TTN: variants seen among roughly 807,000 people sequenced by gnomAD.
TTN encodes the protein connectin.
Under a neutral mutation model 3,223.0 loss-of-function variants are expected in TTN, and 1,525 were observed. That is an observed-to-expected ratio of 0.47 (90% CI 0.45 to 0.49). TTN has a LOEUF of 0.49. Ranked by LOEUF, TTN falls within the 20% of genes least tolerant of loss-of-function variation. TTN has a pLI of 0.00. For synonymous variants in TTN, 14,094 were observed against 15,161.0 expected, an observed-to-expected ratio of 0.93 and a Z score of 5.17; for missense variants, 40,786 against 43,424.0, an observed-to-expected ratio of 0.94 and a Z score of 5.40.
chr2:178,762,096 C>T (rs1033134615), intron 43 of TTN, among the ~76,000 whole-genome samples: 10 of 152,118 alleles, frequency 6.6e-5, no homozygotes, highest in African/African-American at 2.4e-4. Context: ...AACATGGGAG[C>T]TTCTGAAGAC....
At position 178,568,187 on chromosome 2, in the gene TTN, A is replaced by T. The variant is rs760050553; in HGVS notation, c.77945T>A (p.Ile25982Asn). 1 of 1,613,524 alleles carries T rather than the reference A, an allele frequency of 6.2e-7. No individual in the cohort carries two copies. Among genetic ancestry groups the T allele is most frequent in the Middle Eastern group, 1.7e-4 (1 of 6,056 alleles). Residue 25982 changes from isoleucine (I) to asparagine (N), a missense_variant, in exon 326 of 363, where the codon ATT becomes AAT. Transcript: ENST00000589042. ...GQSFALESDPIVAQYPYKEPG... is the reference protein window; with the variant it reads ...GQSFALESDPNVAQYPYKEPG... ...TTCTTTGTAGGGATATTGAGCTACAATTGGATCAGACTCTAAGGCAAAGCT... is the reference window on the plus strand; with the variant it reads ...TTCTTTGTAGGGATATTGAGCTACATTTGGATCAGACTCTAAGGCAAAGCT...
Position 178,775,538 on chromosome 2 carries a change from C to T in TTN, c.6326G>A (p.Cys2109Tyr), listed in dbSNP as rs769946776. 1.1e-5 allele frequency: 17 copies of T among 1,614,014 alleles called. No individual in the cohort carries two copies. The Admixed American group carries it at 2.8e-4, about 27-fold the overall frequency. ...TTTGACACCATTTTTGTACCATTCA[C>T]ATTCGGGGTCTGGTTTCCCCACGAC... Reference protein sequence around the residue: ...VRVVGKPDPECEWYKNGVKIE... With the variant: ...VRVVGKPDPEYEWYKNGVKIE... Residue 2109 changes from cysteine to tyrosine, a missense_variant, in exon 28 of 363, where the codon TGT becomes TAT. By Grantham distance (194) the Cys-to-Tyr change is radical (BLOSUM62 -2). Transcript: ENST00000589042.
At position 178,756,764 on chromosome 2, in the gene TTN, T is replaced by A; in HGVS notation, c.10712A>T (p.Asp3571Val). 2 of 1,613,806 alleles carry A rather than the reference T, an allele frequency of 1.2e-6. No homozygotes were observed. Among genetic ancestry groups the A allele is most frequent in the Non-Finnish European group, 8.5e-7 (1 of 1,179,786 alleles). ...CTGGGACTTGGTGGACTCTCTTACA[T>A]CTTTCCCAGAACTTTGCCTATCTAG... ...QALDRQSSGK[D>V]VRESTKSQAV... The change falls in exon 46 of 363, where the codon GAT (aspartate) becomes GTT (valine). Residue 3571 changes from aspartate (D) to valine (V), a missense_variant. Physicochemically the swap from Asp to Val is radical, Grantham distance 152. Coordinates refer to ENST00000589042, the MANE Select transcript of TTN (RefSeq NM_001267550.2).
intron 220 of TTN, 128 bp from the exon 221 acceptor site, chr2:178,640,758 A>G (rs906291772): frequency 4.2e-6 from 3 of 712,300 alleles, no homozygotes; most frequent in Non-Finnish European, 6.7e-6. Context: ...TTTATCAAGT[A>G]ATTTCTATTT....
rs551263783 is a variant in TTN, at chr2:178,641,179, C to T, written c.40633+62G>A. 7.1e-6 allele frequency: 8 copies of T among 1,131,170 alleles called. No individual in the cohort carries two copies. The East Asian group carries it at 1.6e-4, about 23-fold the overall frequency. 70.1% of individuals were successfully genotyped at this position (1,131,170 alleles called of 1,614,324 possible). Reference sequence around the variant, plus strand: ...ACTTCATTTATGTTTACAAGATAAACCTTTTGTTAAATGTCCATTTTGTTA... The same window carrying T: ...ACTTCATTTATGTTTACAAGATAAATCTTTTGTTAAATGTCCATTTTGTTA... On this transcript the variant is annotated intron_variant, in intron 220 of 362. Transcript: ENST00000589042.
At chr2:178,626,812 T>C (rs987019649) in intron 240 of TTN, among the ~76,000 whole-genome samples, 18 of 151,950 alleles carry the variant, frequency 1.2e-4, no homozygotes, top group Non-Finnish European at 4.4e-5. Flanking sequence ...AAAAGGTGTC[T>C]CAGTTTCTAA....
chr2:178,549,046 C>T lies in TTN; in HGVS notation c.92580G>A (p.Met30860Ile). 17 of 1,613,908 alleles carry T rather than the reference C, an allele frequency of 1.1e-5. No homozygotes were observed. The highest frequency in any genetic ancestry group is 1.4e-5 in the Non-Finnish European group (17 of 1,179,844). ...GMEIIGYIIEMCKADLGDWHK... is the reference protein window; with the variant it reads ...GMEIIGYIIEICKADLGDWHK... Reference sequence around the variant, plus strand: ...GCCAGTCTCCTAAGTCGGCCTTACACATTTCAATAATATACCCAATTATTT... The same window carrying T: ...GCCAGTCTCCTAAGTCGGCCTTACATATTTCAATAATATACCCAATTATTT... Residue 30860 changes from methionine to isoleucine, a missense_variant, in exon 339 of 363, where the codon ATG becomes ATA. By Grantham distance (10) the Met-to-Ile change is conservative. Coordinates refer to ENST00000589042, the MANE Select transcript of TTN (RefSeq NM_001267550.2).
rs562658562 is a variant in TTN at position 178,750,591 on chromosome 2, T to G, written c.11311+2533A>C. The G allele has an allele frequency of 1.6e-4, 261 of 1,612,556 alleles. 3 individuals are homozygous for G. In the Middle Eastern group the frequency reaches 2.3e-3, roughly 14 times the overall value. ...GAAGGTGGGCAACGTTGTGGGCGTT[T>G]TCGAAAAGAATTTTCAAAAAATCTC... On this transcript the variant is annotated intron_variant, in intron 47 of 362. Transcript: ENST00000589042.
chr2:178,618,773 C>T lies in TTN; in HGVS notation c.46777G>A (p.Ala15593Thr), dbSNP rs1253393520. 1 of 1,611,544 alleles carries T rather than the reference C, an allele frequency of 6.2e-7. No homozygotes were observed. Among genetic ancestry groups the T allele is most frequent in the South Asian group, 1.1e-5 (1 of 90,994 alleles). Reference sequence around the variant, plus strand: ...CATTCAGCTTCTGCTTTGGGGTAGGCATCATATGGCACCACCATTGTCAGA... The same window carrying T: ...CATTCAGCTTCTGCTTTGGGGTAGGTATCATATGGCACCACCATTGTCAGA... ...KPLTMVVPYD[A>T]YPKAEAEWFK... Residue 15593 changes from alanine to threonine, a missense_variant, in exon 251 of 363, where the codon GCC (alanine) becomes ACC (threonine). By Grantham distance (58) the Ala-to-Thr change is moderately conservative. Transcript: ENST00000589042.
At chr2:178,641,665 T>C (rs2061251716) in intron 219 of TTN, among the ~76,000 whole-genome samples, 1 of 151,864 alleles carries the variant, frequency 6.6e-6, no homozygotes, top group African/African-American at 2.4e-5. Context: ...TGTAAATAAG[T>C]AGAAAGTTTA....
At chr2:178,695,475 T>C (rs1476757814) in intron 114 of TTN, 65 bp from the exon 115 acceptor site, 2 of 1,247,148 alleles carry the variant, frequency 1.6e-6, no homozygotes, top group East Asian at 2.3e-5. Context: ...GGTTGTTAAT[T>C]GCAAATGAGA....
At position 178,741,033 on chromosome 2, in the gene TTN, G is replaced by A. The variant is rs937825473; in HGVS notation, c.12200C>T (p.Ser4067Leu). Reference protein sequence around the residue: ...LKGPAVEALDSEQEIATFVKD... With the variant: ...LKGPAVEALDLEQEIATFVKD... ...TACAAACGTTGCAATTTCCTGCTCT[G>A]AGTCAAGTGCTTCAACTGCGGGACC... is the stretch of plus-strand genomic sequence containing the variant. The change falls in exon 48 of 363, where the codon TCA becomes TTA. Residue 4067 changes from serine to leucine, a missense_variant. Transcript: ENST00000589042. 4 of 1,613,778 alleles carry A rather than the reference G, an allele frequency of 2.5e-6. No individual in the cohort carries two copies. Among genetic ancestry groups the A allele is most frequent in the Non-Finnish European group, 2.5e-6 (3 of 1,179,844 alleles).
At position 178,704,638 on chromosome 2, in the gene TTN, T is replaced by C. The variant is rs763249086; in HGVS notation, c.29834A>G (p.Asp9945Gly). ...YKGTEKLEPSDKFEISIDGDR... is the reference protein window; with the variant it reads ...YKGTEKLEPSGKFEISIDGDR... ...ACCATCAATGCTTATTTCAAATTTA[T>C]CACTGGGTTCCAGTTTTTCAGTTCC... The change falls in exon 105 of 363, where the codon GAT becomes GGT. Residue 9945 changes from aspartate (D) to glycine (G), a missense_variant. Transcript: ENST00000589042. 1.9e-6 allele frequency: 3 copies of C among 1,612,496 alleles called. No individual in the cohort carries two copies. The highest frequency in any genetic ancestry group is 1.1e-5 in the South Asian group (1 of 90,872).
chr2:178,633,111 A>C (rs186249001), intron 233 of TTN, 67 bp from the exon 234 acceptor site: 211 of 1,599,306 alleles, frequency 1.3e-4, no homozygotes, highest in Non-Finnish European at 1.3e-4. Flanking sequence ...ACAAATCATC[A>C]AGATATTTTA....
rs376437071 is a variant in TTN at position 178,777,994 on chromosome 2, C to T, written c.4209-19G>A. On this transcript the variant is annotated intron_variant, in intron 24 of 362. Transcript: ENST00000589042. ...GAGAGATCTGCAAAACAAAGACACA[C>T]AATACTTTCGTGAGGCATAAAGAAA... The T allele has an allele frequency of 3.1e-6, 5 of 1,611,448 alleles. No homozygotes were observed. The highest frequency in any genetic ancestry group is 4.2e-6 in the Non-Finnish European group (5 of 1,178,996).
chr2:178,755,944 G>A (rs981908285), intron 46 of TTN, among the ~76,000 whole-genome samples: 2 of 152,140 alleles, frequency 1.3e-5, no homozygotes, highest in African/African-American at 4.8e-5. Context: ...TCTTGGTAGT[G>A]CGTTGGTAAA....
chr2:178,650,270 T>C lies in TTN; in HGVS notation c.39711A>G (p.Val13237=). 3 of 1,567,098 alleles carry C rather than the reference T, an allele frequency of 1.9e-6. No individual in the cohort carries two copies. Among genetic ancestry groups the C allele is most frequent in the South Asian group, 1.2e-5 (1 of 84,834 alleles). The part of the protein sequence containing the change: ...PERAESPPPE[V]YEEPEEIAPE... ...GAGCAATTTCCTCAGGTTCTTCATA[T>C]ACTTTAAAGATATTAGTTAATTTTA... Residue 13237 remains valine, a splice_region_variant and synonymous_variant, in exon 210 of 363, where the codon GTA becomes GTG. Transcript: ENST00000589042.
chr2:178,712,437 G>C lies in TTN; in HGVS notation c.27485C>G (p.Thr9162Arg), dbSNP rs199793620. ...VTPSQRCNITTTEKSAILEIP... is the reference protein window; with the variant it reads ...VTPSQRCNITRTEKSAILEIP... ...TTCCAGGATTGCCGATTTTTCAGTC[G>C]TAGTTATATTACACCTCTGAGAAGG... is the stretch of plus-strand genomic sequence containing the variant. The change falls in exon 95 of 363, where the codon ACG becomes AGG. Residue 9162 changes from threonine to arginine, a missense_variant. Coordinates refer to ENST00000589042, the MANE Select transcript of TTN (RefSeq NM_001267550.2). The C allele has an allele frequency of 1.2e-6, 2 of 1,613,744 alleles. No homozygotes were observed. The highest frequency in any genetic ancestry group is 1.7e-6 in the Non-Finnish European group (2 of 1,179,796).
At position 178,732,599 on chromosome 2, in the gene TTN, T is replaced by C; in HGVS notation, c.16462A>G (p.Lys5488Glu). The C allele has an allele frequency of 1.2e-6, 2 of 1,613,672 alleles. No individual in the cohort carries two copies. Among genetic ancestry groups the C allele is most frequent in the Non-Finnish European group, 1.7e-6 (2 of 1,179,728 alleles). The change falls in exon 56 of 363, where the codon AAA becomes GAA. Residue 5488 changes from lysine (K) to glutamate (E), a missense_variant. Lys to Glu is a moderately conservative substitution (Grantham distance 56). Transcript: ENST00000589042. ...PLTIRWFKGN[K>E]ELVSGGSCYI... The stretch of plus-strand genomic sequence containing the variant: ...CAGCTTCCACCAGAAACCAGCTCTT[T>C]GTTGCCCTTAAACCATCTGATTGTG...
Sources: gnomAD v4.1 joint callset for allele counts (sites outside exome capture counted in the v4.1 genomes callset) on GRCh38, gnomAD v4.1.1 for gene constraint, MANE v1.5 for transcripts, NCBI Gene and HGNC (gene_info 2026-07-23, HGNC 2026-07-21) for gene names.